Variants in PACS1 observed in about 807,000 individuals in gnomAD.
PACS1 encodes PACS-1.
In PACS1, 24 loss-of-function variants were observed where a neutral mutation model predicts 115.0. That is an observed-to-expected ratio of 0.21 (90% CI 0.15 to 0.29). The LOEUF (loss-of-function observed/expected upper bound fraction) is 0.29. PACS1 is among the 10% of genes least tolerant of loss of function. The probability of loss-of-function intolerance (pLI) is 1.00; values close to 1 mark genes in which losing one functional copy is unlikely to be tolerated. For synonymous variants in PACS1, 453 were observed against 504.5 expected (o/e 0.90, Z 1.37); for missense variants, 838 against 1,251.2 (o/e 0.67, Z 4.98).
At chr11:66,189,533 C>T (rs1442103393) in intron 1 of PACS1, among the ~76,000 whole-genome samples, 3 of 152,188 alleles carry the variant, frequency 2.0e-5, no homozygotes, top group South Asian at 2.1e-4. Context: ...CAGAACGTAA[C>T]GTGATTGTTT....
chr11:66,149,819 G>A (rs1023986276), intron 1 of PACS1, among the ~76,000 whole-genome samples: 10 of 151,884 alleles, frequency 6.6e-5, no homozygotes, highest in African/African-American at 1.2e-4. Flanking sequence ...GCATGATCTC[G>A]GCTCACTGCA....
intron 1 of PACS1, among the ~76,000 whole-genome samples, chr11:66,144,157 T>G (rs974359277): frequency 6.6e-6 from 1 of 152,228 alleles, no homozygotes; most frequent in Non-Finnish European, 1.5e-5. Flanking sequence ...TGCCTCTTAC[T>G]GATAATGGAC....
In PACS1 at chr11:66,213,769, T is replaced by TA. The variant is rs1855133742; in HGVS notation, c.661-2349dup. 3.9e-5 allele frequency among the ~76,000 whole-genome samples: 6 copies of TA among 152,306 alleles called. No individual in the cohort carries two copies. The South Asian group carries it at 1.2e-3, about 32-fold the overall frequency. On this transcript the variant is annotated intron_variant, in intron 4 of 23. Coordinates refer to ENST00000320580, the MANE Select transcript of PACS1 (RefSeq NM_018026.4). ...AGGCTGTGGGCTGGGCGCAGTGGCTTACGCCTGTAATTCCAGCACTTTGGG... is the reference window on the plus strand; with the variant it reads ...AGGCTGTGGGCTGGGCGCAGTGGCTTAACGCCTGTAATTCCAGCACTTTGGG...
intron 1 of PACS1, among the ~76,000 whole-genome samples, chr11:66,109,752 G>A (rs190848344): frequency 6.6e-6 from 1 of 152,292 alleles, no homozygotes; most frequent in East Asian, 1.9e-4. Context: ...TCCTTAGTAA[G>A]TTTGAGTTGA....
intron 1 of PACS1, among the ~76,000 whole-genome samples, chr11:66,149,052 C>T (rs1175531342): frequency 6.6e-6 from 1 of 150,378 alleles, no homozygotes; most frequent in African/African-American, 2.4e-5. Context: ...GAAGTATATG[C>T]TCAAAGGTAT....
intron 11 of PACS1, among the ~76,000 whole-genome samples, chr11:66,228,960 G>A (rs548369798): frequency 2.0e-5 from 3 of 152,188 alleles, no homozygotes; most frequent in African/African-American, 7.2e-5. Context: ...TGTATTGGTA[G>A]CAGAGTCCTC....
At chr11:66,142,702 G>C (rs1273541160) in intron 1 of PACS1, among the ~76,000 whole-genome samples, 1 of 151,836 alleles carries the variant, frequency 6.6e-6, no homozygotes, top group Non-Finnish European at 1.5e-5. Context: ...AGCTGAATGG[G>C]AGTGGGGCTC....
At chr11:66,109,050 A>G (rs1405845141) in intron 1 of PACS1, among the ~76,000 whole-genome samples, 1 of 152,226 alleles carries the variant, frequency 6.6e-6, no homozygotes, top group Non-Finnish European at 1.5e-5. Flanking sequence ...ACTGGAACAA[A>G]TAACCTTATG....
intron 1 of PACS1, among the ~76,000 whole-genome samples, chr11:66,176,833 G>A (rs1282131697): frequency 6.6e-6 from 1 of 152,024 alleles, no homozygotes; most frequent in Admixed American, 6.6e-5. Flanking sequence ...GGTGAGCTCC[G>A]ACTCATCCTT....
chr11:66,075,800 G>A (rs1196815734), intron 1 of PACS1, among the ~76,000 whole-genome samples: 7 of 148,338 alleles, frequency 4.7e-5, no homozygotes, highest in East Asian at 4.0e-4. Flanking sequence ...ATGCAGTGGC[G>A]CGATCTGGCT....
chr11:66,140,502 C>CAT (rs1260517344), intron 1 of PACS1, among the ~76,000 whole-genome samples: 4 of 152,178 alleles, frequency 2.6e-5, no homozygotes, highest in Admixed American at 6.5e-5. Context: ...CGTCACGGTG[C>CAT]ATGGCTGAGA....
chr11:66,126,881 A>G (rs1858586609), intron 1 of PACS1, among the ~76,000 whole-genome samples: 1 of 152,004 alleles, frequency 6.6e-6, no homozygotes, highest in East Asian at 1.9e-4. Flanking sequence ...GACTGGCAGC[A>G]AGGGCCTCGT....
chr11:66,081,653 A>G (rs1263925780), intron 1 of PACS1, among the ~76,000 whole-genome samples: 1 of 152,164 alleles, frequency 6.6e-6, no homozygotes, highest in African/African-American at 2.4e-5. Flanking sequence ...GCCAGCTTAT[A>G]TGAACGGAAG....
At chr11:66,119,349 A>G (rs757809434) in intron 1 of PACS1, among the ~76,000 whole-genome samples, 2 of 152,232 alleles carry the variant, frequency 1.3e-5, no homozygotes, top group South Asian at 2.1e-4. Context: ...ATTCGTTTGT[A>G]TATGGTCTGT....
intron 1 of PACS1, among the ~76,000 whole-genome samples, chr11:66,100,455 T>C (rs901203984): frequency 3.3e-5 from 5 of 152,040 alleles, no homozygotes; most frequent in Non-Finnish European, 5.9e-5. Flanking sequence ...TGAGCACTAG[T>C]AGGTGGAAGC....
chr11:66,121,721 A>G (rs1472951612), intron 1 of PACS1, among the ~76,000 whole-genome samples: 1 of 152,220 alleles, frequency 6.6e-6, no homozygotes, highest in Non-Finnish European at 1.5e-5. Flanking sequence ...CTTAAGCCTA[A>G]GCTTGATTCA....
At chr11:66,214,853 C>T (rs1162922104) in intron 4 of PACS1, among the ~76,000 whole-genome samples, 1 of 151,864 alleles carries the variant, frequency 6.6e-6, no homozygotes, top group Non-Finnish European at 1.5e-5. Flanking sequence ...AACTCCTGGA[C>T]TCAAGCAATC....
chr11:66,226,240 T>A (rs952186500), intron 10 of PACS1, among the ~76,000 whole-genome samples: 1 of 152,184 alleles, frequency 6.6e-6, no homozygotes, highest in African/African-American at 2.4e-5. Context: ...AGCTCTGCAA[T>A]CTGGAAGCAA....
Position 66,230,539 on chromosome 11 carries a change from C to G in PACS1, c.1375-9C>G. 6.2e-7 allele frequency: 1 copy of G among 1,604,280 alleles called. No individual in the cohort carries two copies. Among genetic ancestry groups the G allele is most frequent in the Non-Finnish European group, 8.5e-7 (1 of 1,171,022 alleles). On this transcript the variant is annotated splice_polypyrimidine_tract_variant and intron_variant, in intron 11 of 23. Coordinates refer to ENST00000320580, the MANE Select transcript of PACS1 (RefSeq NM_018026.4). ...GGTCATCTTCACTGTTTCCTCTCCTCCATGGTAGGAAATCACTGACCAGGA... is the reference window on the plus strand; with the variant it reads ...GGTCATCTTCACTGTTTCCTCTCCTGCATGGTAGGAAATCACTGACCAGGA...
Sources: gnomAD v4.1 joint callset for allele counts (sites outside exome capture counted in the v4.1 genomes callset) on GRCh38, gnomAD v4.1.1 for gene constraint, MANE v1.5 for transcripts, NCBI Gene and HGNC (gene_info 2026-07-23, HGNC 2026-07-21) for gene names.